ADK: variants seen among roughly 807,000 people sequenced by gnomAD.
ADK encodes adenosine kinase.
Under a neutral mutation model 44.7 loss-of-function variants are expected in ADK, and 24 were observed. The ratio of observed to expected loss-of-function variants is 0.54; its 90% CI spans 0.39 to 0.76. The LOEUF (loss-of-function observed/expected upper bound fraction) is 0.76. Ranked by LOEUF, ADK falls within the 30% of genes least tolerant of loss-of-function variation. ADK has a pLI of 0.00. For missense variants in ADK, 321 were observed against 425.1 expected, an observed-to-expected ratio of 0.76 and a Z score of 2.15; for synonymous variants, 128 against 142.6, an observed-to-expected ratio of 0.90 and a Z score of 0.73.
In ADK at chr10:74,323,872, A is replaced by G. The variant is rs1423686497; in HGVS notation, c.273+9127A>G. Among the ~76,000 whole-genome samples the G allele has an allele frequency of 2.6e-5, 4 of 151,750 alleles. No homozygotes were observed. In the East Asian group the frequency reaches 5.9e-4, roughly 22 times the overall value. On this transcript the variant is annotated intron_variant, in intron 4 of 10. Transcript: ENST00000539909. The stretch of plus-strand genomic sequence containing the variant: ...GGTGTGAGCCACCGCTCCCGGCCCC[A>G]CAATATTTTCATTATCAAATGAAGA...
chr10:74,230,531 G>T (rs1438208028), intron 3 of ADK, among the ~76,000 whole-genome samples: 1 of 149,944 alleles, frequency 6.7e-6, no homozygotes, highest in African/African-American at 2.5e-5. Flanking sequence ...GAAAACAGTT[G>T]CATGATCATG....
At chr10:74,361,183 C>T (rs1348393163) in intron 4 of ADK, among the ~76,000 whole-genome samples, 2 of 152,192 alleles carry the variant, frequency 1.3e-5, no homozygotes, top group African/African-American at 2.4e-5. Flanking sequence ...GGATTACAGG[C>T]GTGAGCCACT....
At chr10:74,487,433 ATTAT>A (rs1450075147) in intron 6 of ADK, among the ~76,000 whole-genome samples, 2 of 151,928 alleles carry the variant, frequency 1.3e-5, no homozygotes, top group Non-Finnish European at 2.9e-5. Flanking sequence ...TAAAATCTTT[ATTAT>A]TTATTTTATG....
chr10:74,221,601 C>T (rs527756117), intron 2 of ADK, among the ~76,000 whole-genome samples: 32 of 147,588 alleles, frequency 2.2e-4, no homozygotes, highest in East Asian at 3.9e-4. Context: ...GGAGGCATCA[C>T]GCTACCTGAC....
intron 6 of ADK, among the ~76,000 whole-genome samples, chr10:74,493,717 G>T (rs191576901): frequency 1.3e-5 from 2 of 151,986 alleles, no homozygotes; most frequent in Non-Finnish European, 2.9e-5. Context: ...TTTTTATTAT[G>T]CTAGTATCTA....
chr10:74,442,236 G>A (rs1246099107), intron 6 of ADK, among the ~76,000 whole-genome samples: 1 of 152,030 alleles, frequency 6.6e-6, no homozygotes, highest in Non-Finnish European at 1.5e-5. Flanking sequence ...GTGGAAAAAA[G>A]GGATCCCTTG....
At chr10:74,514,021 T>C (rs936025588) in intron 6 of ADK, among the ~76,000 whole-genome samples, 6 of 152,174 alleles carry the variant, frequency 3.9e-5, no homozygotes, top group Admixed American at 3.3e-4. Flanking sequence ...ATTCCCTTAG[T>C]TTTGCTAGTC....
chr10:74,268,344 A>C (rs1400615683), intron 3 of ADK, among the ~76,000 whole-genome samples: 2 of 150,422 alleles, frequency 1.3e-5, no homozygotes, highest in Non-Finnish European at 3.0e-5. Flanking sequence ...ACCCCCCAAC[A>C]CATGAAAAAC....
intron 6 of ADK, among the ~76,000 whole-genome samples, chr10:74,520,682 G>A (rs1330655751): frequency 1.3e-5 from 2 of 151,838 alleles, no homozygotes; most frequent in Non-Finnish European, 2.9e-5. Flanking sequence ...AGACTACTCT[G>A]AAAAATCCTT....
intron 4 of ADK, among the ~76,000 whole-genome samples, chr10:74,366,876 G>A (rs1406498062): frequency 6.6e-6 from 1 of 152,196 alleles, no homozygotes; most frequent in Non-Finnish European, 1.5e-5. Context: ...GTTACAGTGA[G>A]CCAAGATTGT....
intron 6 of ADK, among the ~76,000 whole-genome samples, chr10:74,465,464 T>C (rs1438359231): frequency 6.6e-6 from 1 of 151,432 alleles, no homozygotes; most frequent in African/African-American, 2.4e-5. Flanking sequence ...CTTTAGAGGG[T>C]TTTGTGCAGA....
chr10:74,493,493 TAG>T (rs745924721), intron 6 of ADK, among the ~76,000 whole-genome samples: 3 of 151,154 alleles, frequency 2.0e-5, no homozygotes, highest in African/African-American at 7.3e-5. Flanking sequence ...TATATAGATA[TAG>T]AGAGAGATAT....
chr10:74,616,041 T>G (rs1304796027), intron 9 of ADK, among the ~76,000 whole-genome samples: 3 of 152,176 alleles, frequency 2.0e-5, no homozygotes, highest in African/African-American at 7.2e-5. Flanking sequence ...CATCTTTGAT[T>G]GTATTGTTGT....
chr10:74,628,885 A>C (rs1025063740), intron 9 of ADK, among the ~76,000 whole-genome samples: 2 of 152,174 alleles, frequency 1.3e-5, no homozygotes, highest in African/African-American at 4.8e-5. Flanking sequence ...AGGGATAATC[A>C]GTCATAGCTA....
At chr10:74,463,368 A>C (rs1379968362) in intron 6 of ADK, among the ~76,000 whole-genome samples, 1 of 152,210 alleles carries the variant, frequency 6.6e-6, no homozygotes, top group Non-Finnish European at 1.5e-5. Context: ...GCAACTAGAC[A>C]GTCCCATCTG....
chr10:74,357,512 G>T (rs562105946), intron 4 of ADK, among the ~76,000 whole-genome samples: 1 of 150,182 alleles, frequency 6.7e-6, no homozygotes, highest in South Asian at 2.1e-4. Context: ...TGTTGCCGAG[G>T]CTGGTCTCAA....
At chr10:74,257,880 A>G (rs1431110160) in intron 3 of ADK, among the ~76,000 whole-genome samples, 3 of 152,216 alleles carry the variant, frequency 2.0e-5, no homozygotes, top group African/African-American at 7.2e-5. Flanking sequence ...TCTCTGTGTC[A>G]TTAACATGTA....
intron 7 of ADK, among the ~76,000 whole-genome samples, chr10:74,559,124 G>A (rs1589247477): frequency 1.3e-5 from 2 of 152,286 alleles, no homozygotes; most frequent in South Asian, 4.1e-4. Flanking sequence ...GGCTTCCCTG[G>A]AAGCTGGTGT....
At chr10:74,239,797 G>A (rs1317093137) in intron 3 of ADK, among the ~76,000 whole-genome samples, 2 of 149,770 alleles carry the variant, frequency 1.3e-5, no homozygotes, top group Non-Finnish European at 3.0e-5. Flanking sequence ...AGGCTGTCAT[G>A]TTCTAATACT....
Sources: gnomAD v4.1 joint callset for allele counts (sites outside exome capture counted in the v4.1 genomes callset) on GRCh38, gnomAD v4.1.1 for gene constraint, MANE v1.5 for transcripts, NCBI Gene and HGNC (gene_info 2026-07-23, HGNC 2026-07-21) for gene names.